The following GTF3C1 variants were observed in gnomAD, a reference collection of about 807,000 sequenced individuals.
GTF3C1 encodes general transcription factor 3C polypeptide 1.
In GTF3C1, 57 loss-of-function variants were observed where a neutral mutation model predicts 226.7. The observed-to-expected ratio is 0.25, with a 90% CI of 0.20 to 0.31. The LOEUF (loss-of-function observed/expected upper bound fraction) is 0.31. Among genes scored for constraint, GTF3C1 ranks in the 10% least tolerant of loss-of-function variants. The pLI, the probability that GTF3C1 is intolerant of heterozygous loss-of-function variation, is 1.00. For missense variants in GTF3C1, 2,217 were observed against 2,776.1 expected, an observed-to-expected ratio of 0.80 and a Z score of 4.53; for synonymous variants, 1,090 against 1,084.8, an observed-to-expected ratio of 1.00 and a Z score of -0.09.
chr16:27,491,278 C>G (rs2088229198), intron 19 of GTF3C1, among the ~76,000 whole-genome samples: 1 of 152,178 alleles, frequency 6.6e-6, no homozygotes, highest in Non-Finnish European at 1.5e-5. Context: ...CTTGGAGGTG[C>G]AAGCTGAACG....
chr16:27,531,296 T>C (rs1420347051), intron 5 of GTF3C1, among the ~76,000 whole-genome samples: 1 of 152,268 alleles, frequency 6.6e-6, no homozygotes, highest in African/African-American at 2.4e-5. Flanking sequence ...TCTGGATTAC[T>C]GCCCACTTCT....
chr16:27,503,757 C>T (rs1038616020), intron 10 of GTF3C1, among the ~76,000 whole-genome samples: 1 of 152,176 alleles, frequency 6.6e-6, no homozygotes, highest in Admixed American at 6.5e-5. Context: ...AAAAGAAATC[C>T]TAACTCTAAT....
rs753483753 is a variant in GTF3C1 at position 27,511,761 on chromosome 16, T to A, written c.1114A>T (p.Thr372Ser). The A allele has an allele frequency of 8.7e-6, 14 of 1,614,056 alleles. No homozygotes were observed. In the South Asian group the frequency reaches 1.3e-4, roughly 15 times the overall value. ...IVFERDMLTQ[T>S]YDLIERRGTK... ...GAACAAGACTTACTGAGGTCGTAGG[T>A]CTGTGTGAGCATATCCCGCTCGAAC... Residue 372 changes from threonine to serine, a missense_variant, in exon 7 of 37, where the codon ACC (threonine) becomes TCC (serine). Physicochemically the swap from Thr to Ser is moderately conservative, Grantham distance 58. Coordinates refer to ENST00000356183, the MANE Select transcript of GTF3C1 (RefSeq NM_001520.4).
intron 15 of GTF3C1, 42 bp downstream of exon 15, chr16:27,495,169 G>T: frequency 2.0e-6 from 3 of 1,483,818 alleles, no homozygotes; most frequent in Non-Finnish European, 2.8e-6. Flanking sequence ...CCTACTACTG[G>T]GCCTGCCCGC....
rs774569657 is a variant in GTF3C1, at chr16:27,495,323, G to A, written c.2520C>T (p.Gly840=). Residue 840 remains glycine, a synonymous_variant, in exon 15 of 37, where the codon GGC becomes GGT. Transcript: ENST00000356183. ...CACTTCCAGAGGAGGACGGCCGGAC[G>A]CCTGCCCTGCCTGACTCCTGCTTTA... The part of the protein sequence containing the change: ...RTIKQESGRA[G]VRPSSSGSAW... 9 of 1,613,360 alleles carry A rather than the reference G, an allele frequency of 5.6e-6. No homozygotes were observed. The highest frequency in any genetic ancestry group is 3.3e-5 in the South Asian group (3 of 91,058).
chr16:27,477,678 T>C (rs1305750517), intron 28 of GTF3C1, among the ~76,000 whole-genome samples: 1 of 152,266 alleles, frequency 6.6e-6, no homozygotes, highest in Non-Finnish European at 1.5e-5. Flanking sequence ...ATATGTAAGA[T>C]ACAAAATATA....
At chr16:27,534,083 C>A (rs1158354729) in intron 4 of GTF3C1, among the ~76,000 whole-genome samples, 2 of 152,200 alleles carry the variant, frequency 1.3e-5, no homozygotes, top group African/African-American at 2.4e-5. Flanking sequence ...TTACGAAGTT[C>A]AGGCTGGAGA....
At position 27,503,837 on chromosome 16, in the gene GTF3C1, C is replaced by A. The variant is rs1006951180; in HGVS notation, c.1771-842G>T. 3.3e-5 allele frequency among the ~76,000 whole-genome samples: 5 copies of A among 152,286 alleles called. No individual in the cohort carries two copies. The South Asian group carries it at 1.0e-3, about 32-fold the overall frequency. Reference sequence around the variant, plus strand: ...GCCCCAGGGCATGTTCTGCTTGCCACCTCCCAGCTGGGAGTAGCACTTTCA... The same window carrying A: ...GCCCCAGGGCATGTTCTGCTTGCCAACTCCCAGCTGGGAGTAGCACTTTCA... On this transcript the variant is annotated intron_variant, in intron 10 of 36. Transcript: ENST00000356183.
intron 4 of GTF3C1, among the ~76,000 whole-genome samples, chr16:27,535,397 AC>A (rs2088985500): frequency 6.6e-6 from 1 of 152,016 alleles, no homozygotes; most frequent in South Asian, 2.1e-4. Flanking sequence ...ACATGGTGAA[AC>A]CCCATCTCTA....
rs768324655 is a variant in GTF3C1, at chr16:27,498,653, G to T, written c.2142C>A (p.Ile714=). 6.3e-7 allele frequency: 1 copy of T among 1,595,534 alleles called. No individual in the cohort carries two copies. The highest frequency in any genetic ancestry group is 2.2e-5 in the East Asian group (1 of 44,780). Residue 714 remains isoleucine, a synonymous_variant, in exon 13 of 37, where the codon ATC becomes ATA. Coordinates refer to ENST00000356183, the MANE Select transcript of GTF3C1 (RefSeq NM_001520.4). Reference sequence around the variant, plus strand: ...GCCTGTTGGCTGTGCTTGAATTGGAGATCCGGAAGCGGACCTGCTCGATGG... The same window carrying T: ...GCCTGTTGGCTGTGCTTGAATTGGATATCCGGAAGCGGACCTGCTCGATGG... The part of the protein sequence containing the change: ...RSAIEQVRFR[I]SNSSTANRVK...
chr16:27,492,654 T>C lies in GTF3C1; in HGVS notation c.2936A>G (p.Gln979Arg). The C allele has an allele frequency of 1.9e-6, 3 of 1,606,862 alleles. No homozygotes were observed. Among genetic ancestry groups the C allele is most frequent in the Non-Finnish European group, 2.6e-6 (3 of 1,173,396 alleles). ...CTGAAACTTTTCCGTGGGACCAAAC[T>C]GTAGCAGCCCCATGTAGCACAGCCT... Reference protein sequence around the residue: ...LQRLCYMGLLQFGPTEKFQDK... With the variant: ...LQRLCYMGLLRFGPTEKFQDK... The change falls in exon 18 of 37, where the codon CAG becomes CGG. Residue 979 changes from glutamine (Q) to arginine (R), a missense_variant. This residue lies in a region of GTF3C1 where 353 missense variants were observed against 411.7 expected (regional missense o/e 0.86). Coordinates refer to ENST00000356183, the MANE Select transcript of GTF3C1 (RefSeq NM_001520.4). The surrounding 1 kb of genome is among the most constrained non-coding windows in gnomAD (Gnocchi z 5.0).
rs374117051 is a variant in GTF3C1 at position 27,545,266 on chromosome 16, C to T, written c.431+48G>A. The stretch of plus-strand genomic sequence containing the variant: ...TGCTGGGATTACAGGCGTGAGCCAC[C>T]GTACCCGGCCAGATTCCCAGGAATT... On this transcript the variant is annotated intron_variant, in intron 2 of 36. Transcript: ENST00000356183. 1.2e-5 allele frequency: 17 copies of T among 1,370,096 alleles called. 1 individual carries two copies. The highest frequency in any genetic ancestry group is 2.3e-5 in the East Asian group (1 of 43,762). 84.9% of individuals were successfully genotyped at this position (1,370,096 alleles called of 1,614,324 possible).
Position 27,463,376 on chromosome 16 carries a change from G to A in GTF3C1, c.5924+165C>T, listed in dbSNP as rs905672242. On this transcript the variant is annotated intron_variant, in intron 35 of 36. Transcript: ENST00000356183. This position sits in a 1 kb window ranked among gnomAD's most constrained non-coding sequence, Gnocchi z 4.9. ...CCAGTGCTCAGCACGCCTGCTGCTC[G>A]CCCACTGCGCCCCTCCAAGTACCCC... The A allele has an allele frequency of 1.7e-5, 11 of 656,040 alleles. No homozygotes were observed. Among genetic ancestry groups the A allele is most frequent in the African/African-American group, 3.6e-5 (2 of 55,196 alleles). The allele number at this position is 656,040 out of a possible 1,614,324, so 40.6% of individuals were successfully genotyped here.
intron 24 of GTF3C1, among the ~76,000 whole-genome samples, chr16:27,484,828 A>G (rs2088110989): frequency 6.6e-6 from 1 of 152,260 alleles, no homozygotes; most frequent in Admixed American, 6.5e-5. Context: ...TAACACAGGA[A>G]GGCAAGGCCG....
intron 7 of GTF3C1, among the ~76,000 whole-genome samples, chr16:27,509,428 C>T (rs965364063): frequency 6.6e-6 from 1 of 152,182 alleles, no homozygotes; most frequent in African/African-American, 2.4e-5. Context: ...AGCCGCAAGG[C>T]AGACTTGGTT....
intron 29 of GTF3C1, 147 bp downstream of exon 29, chr16:27,476,300 TAAAA>T (rs1318200568): frequency 1.7e-6 from 1 of 581,156 alleles, no homozygotes; most frequent in Admixed American, 3.2e-5. Flanking sequence ...AAAACAACGA[TAAAA>T]AAATAAAGTT....
chr16:27,478,307 T>C (rs1476049944), intron 28 of GTF3C1, among the ~76,000 whole-genome samples, 162 bp downstream of exon 28: 1 of 152,204 alleles, frequency 6.6e-6, no homozygotes, highest in Non-Finnish European at 1.5e-5. Context: ...AAAAGCAGCA[T>C]AGACAACATA....
chr16:27,476,406 G>C (rs774815112), intron 29 of GTF3C1, 45 bp downstream of exon 29: 5 of 1,256,926 alleles, frequency 4.0e-6, no homozygotes, highest in Admixed American at 3.4e-5. Flanking sequence ...CCTGGCCTCG[G>C]AAGGGCCCAC....
intron 29 of GTF3C1, among the ~76,000 whole-genome samples, chr16:27,474,323 CT>C (rs1455092152): frequency 6.6e-6 from 1 of 152,168 alleles, no homozygotes; most frequent in Non-Finnish European, 1.5e-5. Flanking sequence ...CAGGTGCCAC[CT>C]GGAGATGGAA....
Sources: gnomAD v4.1 joint callset for allele counts (sites outside exome capture counted in the v4.1 genomes callset) on GRCh38, gnomAD v4.1.1 for gene constraint, gnomAD v4.1.1 regional missense constraint, Gnocchi (gnomAD v3.1) non-coding constraint, MANE v1.5 for transcripts, NCBI Gene and HGNC (gene_info 2026-07-23, HGNC 2026-07-21) for gene names.